Variants in HDGFL3 observed in about 807,000 individuals in gnomAD.
HDGFL3 encodes HDGF like 3.
A neutral mutation model predicts 27.6 loss-of-function variants in HDGFL3; 6 were observed. The observed-to-expected ratio is 0.22, with a 90% CI of 0.12 to 0.43. The LOEUF is 0.43. Among genes scored for constraint, HDGFL3 ranks in the 20% least tolerant of loss-of-function variants. The pLI is 1.00. For missense variants in HDGFL3, 207 were observed against 250.1 expected (o/e 0.83, Z 1.16); for synonymous variants, 88 against 88.9 (o/e 0.99, Z 0.05).
At chr15:83,152,386 C>G (rs1024409444) in intron 4 of HDGFL3, among the ~76,000 whole-genome samples, 2 of 151,644 alleles carry the variant, frequency 1.3e-5, no homozygotes, top group Non-Finnish European at 2.9e-5. Flanking sequence ...ATGGCAAAAC[C>G]CTGTCTCTAC....
At position 83,157,445 on chromosome 15, in the gene HDGFL3, G is replaced by C. The variant is rs1396022071; in HGVS notation, c.429C>G (p.Gly143=). ...AAGTATATGACTTTTTCCGTTTTGA[G>C]CCTGCTTTTTCATTCTTTCTTTTGC... ...GKGKRKNEKA[G]SKRKKSYTSK... The change falls in exon 4 of 6, where the codon GGC becomes GGG. Residue 143 remains glycine, a synonymous_variant. Transcript: ENST00000299633. 6.2e-7 allele frequency: 1 copy of C among 1,613,432 alleles called. No homozygotes were observed. Among genetic ancestry groups the C allele is most frequent in the Non-Finnish European group, 8.5e-7 (1 of 1,179,592 alleles).
At chr15:83,113,252 G>A in exon 4 of HDGFL3, 1 of 357,468 alleles carries the variant, frequency 2.8e-6, no homozygotes. Context: ...CCCACTTAGT[G>A]CAGAACTTAA....
chr15:83,118,205 CAG>C (rs569901127), intron 3 of HDGFL3, among the ~76,000 whole-genome samples: 3 of 150,554 alleles, frequency 2.0e-5, no homozygotes, highest in Admixed American at 6.6e-5. Context: ...GACCGGGTGA[CAG>C]AGTGAGACCC....
intron 1 of HDGFL3, among the ~76,000 whole-genome samples, chr15:83,192,588 A>G (rs2037524712): frequency 6.6e-6 from 1 of 152,334 alleles, no homozygotes; most frequent in African/African-American, 2.4e-5. Flanking sequence ...GGGAACATAA[A>G]TGTCCAGAAA....
At chr15:83,192,221 C>T (rs1262306810) in intron 1 of HDGFL3, 4 of 448,050 alleles carry the variant, frequency 8.9e-6, no homozygotes, top group Non-Finnish European at 1.8e-5. Context: ...GGATTACAGG[C>T]ATGAGCCACA....
intron 3 of HDGFL3, chr15:83,121,909 T>G: frequency 6.3e-7 from 1 of 1,589,608 alleles, no homozygotes; most frequent in Non-Finnish European, 8.5e-7. Context: ...TTTTTTGTTG[T>G]TGTTGTTACA....
intron 1 of HDGFL3, among the ~76,000 whole-genome samples, chr15:83,192,781 C>A (rs1406035894): frequency 1.3e-5 from 2 of 152,176 alleles, no homozygotes; most frequent in Non-Finnish European, 2.9e-5. Context: ...CACAACCAAT[C>A]CATCTTGACC....
At chr15:83,122,211 A>C (rs2035321063) in intron 3 of HDGFL3, among the ~76,000 whole-genome samples, 1 of 152,172 alleles carries the variant, frequency 6.6e-6, no homozygotes, top group Non-Finnish European at 1.5e-5. Context: ...GCATTGAACA[A>C]TTTGGCAGTC....
Position 83,135,666 on chromosome 15 carries a change from T to C in HDGFL3, c.*3604A>G, listed in dbSNP as rs1049634695. 6.6e-6 allele frequency: 1 copy of C among 152,228 alleles called. No individual in the cohort carries two copies. The highest frequency in any genetic ancestry group is 2.4e-5 in the African/African-American group (1 of 41,466). 9.4% of individuals were successfully genotyped at this position (152,228 alleles called of 1,614,324 possible). A position where few individuals can be genotyped will look rare whatever the true frequency, so the allele number is the denominator to read the frequency against. On this transcript the variant is annotated 3_prime_UTR_variant, in exon 6 of 6. Coordinates refer to ENST00000299633, the MANE Select transcript of HDGFL3 (RefSeq NM_016073.4). ...ATATCAAAAAAGACCAATTGGCACA[T>C]TCTGAATGTGTTTTCTGAATAAGTA...
At chr15:83,156,451 G>A (rs1285553099) in intron 4 of HDGFL3, among the ~76,000 whole-genome samples, 2 of 152,138 alleles carry the variant, frequency 1.3e-5, no homozygotes, top group Non-Finnish European at 2.9e-5. Flanking sequence ...TGTATACCTA[G>A]TCTGGTGTCT....
chr15:83,134,217 C>T lies in HDGFL3; in HGVS notation c.*5053G>A, dbSNP rs1423010993. The T allele has an allele frequency of 1.3e-5, 2 of 151,680 alleles. No individual in the cohort carries two copies. Among genetic ancestry groups the T allele is most frequent in the African/African-American group, 4.9e-5 (2 of 41,230 alleles). 9.4% of individuals were successfully genotyped at this position (151,680 alleles called of 1,614,324 possible). On this transcript the variant is annotated 3_prime_UTR_variant, in exon 6 of 6. Coordinates refer to ENST00000299633, the MANE Select transcript of HDGFL3 (RefSeq NM_016073.4). ...GTGGGCTTACAATCTAATCTAAGGACATGAATCTTTTTTTTTTTTTAAAGA... is the reference window on the plus strand; with the variant it reads ...GTGGGCTTACAATCTAATCTAAGGATATGAATCTTTTTTTTTTTTTAAAGA...
chr15:83,139,319 T>C, intron 5 of HDGFL3, 44 bp from the exon 6 acceptor site: 1 of 1,287,612 alleles, frequency 7.8e-7, no homozygotes, highest in South Asian at 1.6e-5. Context: ...TTTAGATGAT[T>C]TAGGATACTA....
At chr15:83,174,293 T>C (rs1345515312) in intron 1 of HDGFL3, among the ~76,000 whole-genome samples, 2 of 152,188 alleles carry the variant, frequency 1.3e-5, no homozygotes, top group African/African-American at 2.4e-5. Flanking sequence ...AGCTGTTCCC[T>C]GAATCCTGTC....
At chr15:83,174,704 T>C (rs1269865878) in intron 1 of HDGFL3, among the ~76,000 whole-genome samples, 6 of 152,260 alleles carry the variant, frequency 3.9e-5, no homozygotes, top group Admixed American at 6.5e-5. Context: ...GGTTATGTGA[T>C]AGGCACTGAA....
At chr15:83,193,915 CGCTGCCACGTTAATAAGA>C (rs2037541096) in intron 1 of HDGFL3, among the ~76,000 whole-genome samples, 1 of 152,158 alleles carries the variant, frequency 6.6e-6, no homozygotes, top group African/African-American at 2.4e-5. Context: ...TGCTGCTATA[CGCTGCCACGTTAATAAGA>C]GTTGCTGACT....
intron 5 of HDGFL3, among the ~76,000 whole-genome samples, chr15:83,146,755 C>A (rs762371787): frequency 6.6e-6 from 1 of 152,230 alleles, no homozygotes; most frequent in Non-Finnish European, 1.5e-5. Context: ...GACCACTGGT[C>A]TCAAGCAAGC....
At chr15:83,124,225 G>A (rs2035528976), downstream of HDGFL3, among the ~76,000 whole-genome samples, 1 of 151,954 alleles carries the variant, frequency 6.6e-6, no homozygotes, top group Non-Finnish European at 1.5e-5. Context: ...TTATATACAG[G>A]AATAATTTTA....
chr15:83,120,149 G>C, intron 3 of HDGFL3: 1 of 171,398 alleles, frequency 5.8e-6, no homozygotes, highest in East Asian at 1.5e-4. Flanking sequence ...CTTGGCAGTG[G>C]ATGTGTATGT....
chr15:83,128,813 T>TA lies in HDGFL3; in HGVS notation c.*10456dup, dbSNP rs2035992858. The TA allele has an allele frequency of 6.6e-6, 1 of 152,122 alleles. No individual in the cohort carries two copies. The highest frequency in any genetic ancestry group is 2.4e-5 in the African/African-American group (1 of 41,420). The allele number at this position is 152,122 out of a possible 1,614,324, so 9.4% of individuals were successfully genotyped here. ...ATTTACACTCCTCATCCTCTACATC[T>TA]AGACCACCACTAAGTCCTTTTTTTT... On this transcript the variant is annotated 3_prime_UTR_variant, in exon 6 of 6. Coordinates refer to ENST00000299633, the MANE Select transcript of HDGFL3 (RefSeq NM_016073.4).
Sources: allele counts gnomAD v4.1 joint callset (sites outside exome capture counted in the v4.1 genomes callset), GRCh38; gene constraint gnomAD v4.1.1; transcripts MANE v1.5; gene names NCBI Gene and HGNC (gene_info 2026-07-23, HGNC 2026-07-21).